Variants in CHAT observed in about 807,000 individuals in gnomAD.
CHAT encodes acetyl CoA:choline O-acetyltransferase.
In CHAT, 61 loss-of-function variants were observed where a neutral mutation model predicts 76.9. The ratio of observed to expected loss-of-function variants is 0.79; its 90% confidence interval spans 0.65 to 0.98. The LOEUF (loss-of-function observed/expected upper bound fraction) is 0.98, where lower values mean the gene tolerates loss of function less well. CHAT is among the 50% of genes least tolerant of loss of function. The probability of loss-of-function intolerance (pLI) is 0.00; values close to 1 mark genes in which losing one functional copy is unlikely to be tolerated. For synonymous variants in CHAT, 407 were observed against 397.4 expected (o/e 1.02, Z -0.29); for missense variants, 946 against 986.9 (o/e 0.96, Z 0.56).
intron 13 of CHAT, among the ~76,000 whole-genome samples, chr10:49,659,417 A>T (rs1840125142): frequency 6.6e-6 from 1 of 152,254 alleles, no homozygotes; most frequent in Non-Finnish European, 1.5e-5. Flanking sequence ...TTAACACAAG[A>T]AAAAGATAGA....
chr10:49,621,992 G>C, intron 4 of CHAT, 105 bp from the exon 5 acceptor site: 2 of 1,298,130 alleles, frequency 1.5e-6, no homozygotes, highest in Non-Finnish European at 2.2e-6. Flanking sequence ...GGAAGAGGAA[G>C]GAGATGGAAG....
At position 49,620,570 on chromosome 10, in the gene CHAT, A is replaced by T; in HGVS notation, c.655A>T (p.Ile219Phe). The T allele has an allele frequency of 6.2e-7, 1 of 1,613,792 alleles. No homozygotes were observed. The highest frequency in any genetic ancestry group is 8.5e-7 in the Non-Finnish European group (1 of 1,179,770). Residue 219 changes from isoleucine to phenylalanine, a missense_variant, in exon 4 of 15, where the codon ATC becomes TTC. Physicochemically the swap from Ile to Phe is conservative, Grantham distance 21. This residue lies in a region of CHAT where 548 missense variants were observed against 516.2 expected (regional missense o/e 1.06). Coordinates refer to ENST00000337653, the MANE Select transcript of CHAT (RefSeq NM_020549.5). ...ALPVNSSPAV[I>F]FARQHFPGTD... is the part of the protein sequence containing the mutation. ...GCCTGTCAACTCCAGCCCTGCCGTGATCTTTGCTCGGCAGCACTTCCCTGG... is the reference window on the plus strand; with the variant it reads ...GCCTGTCAACTCCAGCCCTGCCGTGTTCTTTGCTCGGCAGCACTTCCCTGG...
chr10:49,634,386 C>T (rs184404725), intron 7 of CHAT, among the ~76,000 whole-genome samples: 5 of 152,354 alleles, frequency 3.3e-5, no homozygotes, highest in Admixed American at 1.3e-4. Flanking sequence ...TTGGGGATCA[C>T]GCTGGGGATG....
chr10:49,650,086 C>A (rs1364733335), intron 10 of CHAT, among the ~76,000 whole-genome samples: 2 of 152,140 alleles, frequency 1.3e-5, no homozygotes, highest in Non-Finnish European at 2.9e-5. Flanking sequence ...GGGACCCAGG[C>A]AGGAGGGCCT....
At chr10:49,652,140 G>C (rs1839899742) in intron 11 of CHAT, 134 bp downstream of exon 11, 2 of 1,213,104 alleles carry the variant, frequency 1.6e-6, no homozygotes, top group Middle Eastern at 2.4e-4. Context: ...GACTGAGGCT[G>C]CATGAAGGAG....
Position 49,627,682 on chromosome 10 carries a change from A to C in CHAT, c.1008A>C (p.Ile336=). ...ATCTGTTCACTCAGTTGAGAAAGAT[A>C]GTCAAAATGGCTTCCAACGAGGACG... ...EGDLFTQLRK[I]VKMASNEDER... Residue 336 remains isoleucine (I), a synonymous_variant, in exon 7 of 15, where the codon ATA becomes ATC. Transcript: ENST00000337653. 6.2e-7 allele frequency: 1 copy of C among 1,614,156 alleles called. No homozygotes were observed. Among genetic ancestry groups the C allele is most frequent in the South Asian group, 1.1e-5 (1 of 91,076 alleles).
chr10:49,651,005 C>A (rs1448154943), intron 10 of CHAT, among the ~76,000 whole-genome samples: 1 of 152,060 alleles, frequency 6.6e-6, no homozygotes, highest in Admixed American at 6.5e-5. Flanking sequence ...AGGCCCCCAG[C>A]TCCACCCTCC....
At chr10:49,653,625 G>T (rs574674256) in intron 11 of CHAT, among the ~76,000 whole-genome samples, 7 of 152,198 alleles carry the variant, frequency 4.6e-5, no homozygotes, top group Admixed American at 4.6e-4. Flanking sequence ...GGGGAAGGCC[G>T]ATGTCATCCC....
intron 7 of CHAT, among the ~76,000 whole-genome samples, chr10:49,638,315 C>A (rs753775921): frequency 7.2e-5 from 11 of 152,068 alleles, no homozygotes; most frequent in Non-Finnish European, 1.5e-4. Context: ...TACTTATAAC[C>A]AAACTATATC....
At position 49,625,546 on chromosome 10, in the gene CHAT, C is replaced by A. The variant is rs1181625101; in HGVS notation, c.826C>A (p.Leu276Ile). The A allele has an allele frequency of 1.2e-6, 2 of 1,613,636 alleles. No individual in the cohort carries two copies. The highest frequency in any genetic ancestry group is 1.7e-5 in the Admixed American group (1 of 59,982). Reference protein sequence around the residue: ...QPLCMKQYYGLFSSYRLPGHT... With the variant: ...QPLCMKQYYGIFSSYRLPGHT... ...CCTTTGCATGAAGCAATACTATGGGCTCTTCTCCTCCTACCGGCTCCCCGG... is the reference window on the plus strand; with the variant it reads ...CCTTTGCATGAAGCAATACTATGGGATCTTCTCCTCCTACCGGCTCCCCGG... The change falls in exon 6 of 15, where the codon CTC becomes ATC. Residue 276 changes from leucine (L) to isoleucine (I), a missense_variant. Transcript: ENST00000337653.
intron 11 of CHAT, among the ~76,000 whole-genome samples, chr10:49,653,907 C>T (rs1839955807): frequency 6.6e-6 from 1 of 152,244 alleles, no homozygotes; most frequent in South Asian, 2.1e-4. Flanking sequence ...ACAATGCACC[C>T]CTCCTCCTCC....
At chr10:49,650,436 G>A (rs1445710009) in intron 10 of CHAT, among the ~76,000 whole-genome samples, 2 of 152,200 alleles carry the variant, frequency 1.3e-5, no homozygotes, top group Non-Finnish European at 2.9e-5. Context: ...TCAGGACTGT[G>A]AGGGAGGGCC....
intron 7 of CHAT, 142 bp from the exon 8 acceptor site, chr10:49,646,363 G>A (rs1839661384): frequency 2.9e-6 from 3 of 1,036,698 alleles, no homozygotes; most frequent in Non-Finnish European, 4.4e-6. Context: ...GTGGGGCAAG[G>A]TGGGGGGTCA....
At chr10:49,610,761 G>A, upstream of CHAT, 2 of 1,540,036 alleles carry the variant, frequency 1.3e-6, no homozygotes, top group Non-Finnish European at 8.7e-7. Flanking sequence ...CGGAACCTGC[G>A]GGCCAGGCCC....
At chr10:49,630,111 G>A (rs924733247) in intron 7 of CHAT, among the ~76,000 whole-genome samples, 4 of 152,136 alleles carry the variant, frequency 2.6e-5, no homozygotes, top group Admixed American at 6.5e-5. Context: ...CATCTGGGTG[G>A]AGACGTCAAG....
At chr10:49,613,389 A>G (rs1838354072), upstream of CHAT, among the ~76,000 whole-genome samples, 1 of 152,094 alleles carries the variant, frequency 6.6e-6, no homozygotes, top group African/African-American at 2.4e-5. Context: ...GCGGCCCAGG[A>G]CTGTCAGGAA....
chr10:49,623,357 C>T (rs995862465), intron 5 of CHAT, among the ~76,000 whole-genome samples: 4 of 152,172 alleles, frequency 2.6e-5, no homozygotes, highest in South Asian at 4.2e-4. Context: ...TGCATATCCA[C>T]GTGGAGGTTC....
At chr10:49,630,769 C>T (rs1053200992) in intron 7 of CHAT, among the ~76,000 whole-genome samples, 13 of 152,096 alleles carry the variant, frequency 8.5e-5, no homozygotes, top group Admixed American at 6.5e-4. Context: ...AAATAAGAGG[C>T]CTTTGGTTGG....
chr10:49,635,093 C>A (rs1839253043), intron 7 of CHAT, among the ~76,000 whole-genome samples: 1 of 152,204 alleles, frequency 6.6e-6, no homozygotes, highest in African/African-American at 2.4e-5. Flanking sequence ...ACCCACCTCA[C>A]CCCCTTCTTA....
Sources: allele counts gnomAD v4.1 joint callset (sites outside exome capture counted in the v4.1 genomes callset), GRCh38; gene constraint gnomAD v4.1.1; regional missense constraint gnomAD v4.1.1; transcripts MANE v1.5; gene names NCBI Gene and HGNC (gene_info 2026-07-23, HGNC 2026-07-21).